Variants in PITPNM3 observed in about 807,000 individuals in gnomAD.
PITPNM3 encodes membrane-associated phosphatidylinositol transfer protein 3.
In PITPNM3, 26 loss-of-function variants were observed where a neutral mutation model predicts 102.0. The observed-to-expected ratio is 0.25, with a 90% CI of 0.19 to 0.35. The LOEUF (loss-of-function observed/expected upper bound fraction) is 0.35, where lower values mean the gene tolerates loss of function less well. Ranked by LOEUF, PITPNM3 falls within the 10% of genes least tolerant of loss-of-function variation. The pLI, the probability that PITPNM3 is intolerant of heterozygous loss-of-function variation, is 1.00. For missense variants in PITPNM3, 1,083 were observed against 1,346.1 expected (o/e 0.80, Z 3.06); for synonymous variants, 578 against 558.6 (o/e 1.03, Z -0.49).
rs1914022938 is a variant in PITPNM3 at position 6,455,035 on chromosome 17, T to G, written c.*303A>C. ...AGGGTGGTCGACTTTGCCCAAACGC[T>G]TCAGCCCCGGGCAAGCCTGCCCCCA... On this transcript the variant is annotated 3_prime_UTR_variant, in exon 20 of 20. Coordinates refer to ENST00000262483, the MANE Select transcript of PITPNM3 (RefSeq NM_031220.4). 2.3e-6 allele frequency: 1 copy of G among 436,192 alleles called. No homozygotes were observed. The highest frequency in any genetic ancestry group is 2.1e-5 in the African/African-American group (1 of 48,050). The allele number at this position is 436,192 out of a possible 1,614,324, so 27.0% of individuals were successfully genotyped here. A position where few individuals can be genotyped will look rare whatever the true frequency, so the allele number is the denominator to read the frequency against.
In PITPNM3 at chr17:6,474,538, C is replaced by G; in HGVS notation, c.1152G>C (p.Glu384Asp). Residue 384 changes from glutamate (E) to aspartate (D), a missense_variant, in exon 10 of 20, where the codon GAG (glutamate) becomes GAC (aspartate). Around this residue, in one of 5 missense-constraint regions of PITPNM3, gnomAD observed 172 missense variants for 175.6 expected, o/e 0.98. Transcript: ENST00000262483. ...TPAAGGPQLPEVSLGRFDFDV... is the reference protein window; with the variant it reads ...TPAAGGPQLPDVSLGRFDFDV... Reference sequence around the variant, plus strand: ...CGAAGTCAAAGCGGCCCAGGCTGACCTCAGGGAGCTGCGGCCCCCCAGCCG... The same window carrying G: ...CGAAGTCAAAGCGGCCCAGGCTGACGTCAGGGAGCTGCGGCCCCCCAGCCG... 6.2e-7 allele frequency: 1 copy of G among 1,609,150 alleles called. No individual in the cohort carries two copies. The highest frequency in any genetic ancestry group is 8.5e-7 in the Non-Finnish European group (1 of 1,178,114).
At chr17:6,555,480 G>A (rs954045326) in intron 1 of PITPNM3, among the ~76,000 whole-genome samples, 4 of 152,180 alleles carry the variant, frequency 2.6e-5, no homozygotes, top group African/African-American at 9.7e-5. Context: ...AGCCTCACAA[G>A]AGGCACTGCC....
chr17:6,499,178 C>T (rs192558577), intron 4 of PITPNM3, among the ~76,000 whole-genome samples: 2 of 152,276 alleles, frequency 1.3e-5, no homozygotes, highest in African/African-American at 2.4e-5. Context: ...AGTTTGGTTT[C>T]AAATATCAGG....
At chr17:6,551,224 G>A (rs1157179217) in intron 1 of PITPNM3, among the ~76,000 whole-genome samples, 1 of 152,160 alleles carries the variant, frequency 6.6e-6, no homozygotes, top group Non-Finnish European at 1.5e-5. Flanking sequence ...GGGCATGGTG[G>A]CAGTCACCTG....
rs1451330340 is a variant in PITPNM3 at position 6,451,447 on chromosome 17, A to G, written c.*3891T>C. 6.6e-6 allele frequency: 1 copy of G among 152,248 alleles called. No individual in the cohort carries two copies. The highest frequency in any genetic ancestry group is 1.5e-5 in the Non-Finnish European group (1 of 68,048). 9.4% of individuals were successfully genotyped at this position (152,248 alleles called of 1,614,324 possible). On this transcript the variant is annotated 3_prime_UTR_variant, in exon 20 of 20. Transcript: ENST00000262483. ...TGTACAAGGCAGCCATAAGGAATAT[A>G]ATAAACCTTTTTCACCACAGAACCA...
intron 1 of PITPNM3, among the ~76,000 whole-genome samples, chr17:6,538,387 C>T (rs1313069657): frequency 6.6e-6 from 1 of 152,204 alleles, no homozygotes; most frequent in Non-Finnish European, 1.5e-5. Flanking sequence ...TCAGTCAGCA[C>T]AGGGGAAGCT....
intron 4 of PITPNM3, among the ~76,000 whole-genome samples, chr17:6,492,919 AAAAC>A (rs953994388): frequency 1.3e-5 from 2 of 152,092 alleles, no homozygotes; most frequent in African/African-American, 2.4e-5. Flanking sequence ...TTAAAAAAAA[AAAAC>A]AATGAACTCA....
chr17:6,529,279 G>C (rs972054435), intron 2 of PITPNM3, among the ~76,000 whole-genome samples: 1 of 152,100 alleles, frequency 6.6e-6, no homozygotes, highest in Non-Finnish European at 1.5e-5. Flanking sequence ...TTCTACTGTT[G>C]ACAGGACTCC....
At position 6,457,751 on chromosome 17, in the gene PITPNM3, A is replaced by G; in HGVS notation, c.2491-29T>C. 6.4e-7 allele frequency: 1 copy of G among 1,561,810 alleles called. No homozygotes were observed. The highest frequency in any genetic ancestry group is 8.7e-7 in the Non-Finnish European group (1 of 1,152,792). On this transcript the variant is annotated intron_variant, in intron 18 of 19. Coordinates refer to ENST00000262483, the MANE Select transcript of PITPNM3 (RefSeq NM_031220.4). The surrounding 1 kb of genome is among the most constrained non-coding windows in gnomAD (Gnocchi z 4.7). ...AAACACAGGGCAGGCATAGGGGGAG[A>G]GTGAGGCCAGCCCACCCCCTGGAAA...
In PITPNM3 at chr17:6,528,077, A is replaced by G. The variant is rs140521449; in HGVS notation, c.119-2614T>C. 2.9e-4 allele frequency among the ~76,000 whole-genome samples: 44 copies of G among 152,184 alleles called. No individual in the cohort carries two copies. The East Asian group carries it at 7.9e-3, about 27-fold the overall frequency. ...ACCAGAGTCTCACCGTGCTTCTCTC[A>G]CGCTTTACATCTGGCCCTGACTCAC... On this transcript the variant is annotated intron_variant, in intron 2 of 19. Transcript: ENST00000262483.
chr17:6,535,182 C>A (rs1162982512), intron 2 of PITPNM3, among the ~76,000 whole-genome samples: 1 of 150,428 alleles, frequency 6.6e-6, no homozygotes, highest in African/African-American at 2.5e-5. Flanking sequence ...AAGCGGAAGA[C>A]AGAGACCACA....
At chr17:6,540,608 T>G (rs1417302412) in intron 1 of PITPNM3, among the ~76,000 whole-genome samples, 2 of 152,268 alleles carry the variant, frequency 1.3e-5, no homozygotes, top group African/African-American at 4.8e-5. Context: ...ATGCATATTT[T>G]ATCTTGTTTA....
At position 6,487,314 on chromosome 17, in the gene PITPNM3, T is replaced by G. The variant is rs567615319; in HGVS notation, c.275-3022A>C. 2.0e-5 allele frequency among the ~76,000 whole-genome samples: 3 copies of G among 152,210 alleles called. No homozygotes were observed. The East Asian group carries it at 5.8e-4, about 29-fold the overall frequency. ...CCCATGGGGTGGTGGTGAGGATAGATGAGTTCATATGCATAAAGGGCTTAG... is the reference window on the plus strand; with the variant it reads ...CCCATGGGGTGGTGGTGAGGATAGAGGAGTTCATATGCATAAAGGGCTTAG... On this transcript the variant is annotated intron_variant, in intron 4 of 19. Coordinates refer to ENST00000262483, the MANE Select transcript of PITPNM3 (RefSeq NM_031220.4).
At chr17:6,507,077 TC>T (rs2150614456) in intron 3 of PITPNM3, among the ~76,000 whole-genome samples, 1 of 150,518 alleles carries the variant, frequency 6.6e-6, no homozygotes, top group Admixed American at 6.7e-5. Context: ...CCCTGCCTGC[TC>T]CCAGGCTCTG....
intron 1 of PITPNM3, among the ~76,000 whole-genome samples, chr17:6,545,470 C>T (rs1469007127): frequency 6.6e-6 from 1 of 152,050 alleles, no homozygotes; most frequent in Non-Finnish European, 1.5e-5. Context: ...TCCCTCCCAT[C>T]GCAGGTCCCT....
Position 6,478,017 on chromosome 17 carries a change from G to T in PITPNM3, c.858C>A (p.Ser286Arg). 1.2e-6 allele frequency: 2 copies of T among 1,613,514 alleles called. No homozygotes were observed. Among genetic ancestry groups the T allele is most frequent in the Non-Finnish European group, 1.7e-6 (2 of 1,180,036 alleles). Residue 286 changes from serine (S) to arginine (R), a missense_variant, in exon 8 of 20, where the codon AGC (serine) becomes AGA (arginine). By Grantham distance (110) the Ser-to-Arg change is moderately radical. Around this residue, in one of 5 missense-constraint regions of PITPNM3, gnomAD observed 172 missense variants for 175.6 expected, o/e 0.98. Coordinates refer to ENST00000262483, the MANE Select transcript of PITPNM3 (RefSeq NM_031220.4). The surrounding 1 kb of genome is among the most constrained non-coding windows in gnomAD (Gnocchi z 4.4). ...TCCCCTTCCGGCTGCTGCTGGCAGG[G>T]CTGTCCCCTGAGGGCCCCGCACTGT... ...ICYSAGPSGDSPASSSRKGSI... is the reference protein window; with the variant it reads ...ICYSAGPSGDRPASSSRKGSI...
intron 3 of PITPNM3, among the ~76,000 whole-genome samples, chr17:6,516,529 A>C (rs1908188580): frequency 6.9e-6 from 1 of 145,718 alleles, no homozygotes; most frequent in Non-Finnish European, 1.5e-5. Flanking sequence ...GTGCCACTGC[A>C]CTCCAGCGTG....
chr17:6,494,770 A>C (rs1019627292), intron 4 of PITPNM3, among the ~76,000 whole-genome samples: 1 of 152,244 alleles, frequency 6.6e-6, no homozygotes, highest in African/African-American at 2.4e-5. Flanking sequence ...AACATGCAAA[A>C]TGCCTTTGAC....
intron 4 of PITPNM3, among the ~76,000 whole-genome samples, chr17:6,488,849 G>A (rs1018653773): frequency 6.6e-6 from 1 of 152,188 alleles, no homozygotes; most frequent in Non-Finnish European, 1.5e-5. Flanking sequence ...GTTAATTTCT[G>A]TTTGCATGTC....
Sources: allele counts gnomAD v4.1 joint callset (sites outside exome capture counted in the v4.1 genomes callset), GRCh38; gene constraint gnomAD v4.1.1; regional missense constraint gnomAD v4.1.1; non-coding constraint Gnocchi (gnomAD v3.1); transcripts MANE v1.5; gene names NCBI Gene and HGNC (gene_info 2026-07-23, HGNC 2026-07-21).